Variants in COX6C observed in about 807,000 individuals in gnomAD.
The protein encoded by COX6C is cytochrome c oxidase polypeptide VIc.
Under a neutral mutation model 6.9 loss-of-function variants are expected in COX6C, and 3 were observed. The observed-to-expected ratio is 0.43, with a 90% CI of 0.20 to 1.12. The LOEUF is 1.12. Ranked by LOEUF, COX6C falls within the 50% of genes most tolerant of loss-of-function variation. The pLI, the probability that COX6C is intolerant of heterozygous loss-of-function variation, is 0.27. For synonymous variants in COX6C, 32 were observed against 32.0 expected, an observed-to-expected ratio of 1.00 and a Z score of 0.00; for missense variants, 101 against 97.3, an observed-to-expected ratio of 1.04 and a Z score of -0.16.
chr8:99,883,471 ATT>A (rs71274942), intron 3 of COX6C, among the ~76,000 whole-genome samples: 1 of 137,718 alleles, frequency 7.3e-6, no homozygotes, highest in Non-Finnish European at 1.5e-5. Flanking sequence ...ATATATATAT[ATT>A]TTTTTTTTGG....
chr8:99,891,752 T>C (rs1443627431), intron 2 of COX6C, among the ~76,000 whole-genome samples, 156 bp downstream of exon 2: 1 of 152,122 alleles, frequency 6.6e-6, no homozygotes, highest in Admixed American at 6.5e-5. Context: ...CAAGCTTCAT[T>C]TAAAGATGGA....
chr8:99,878,644 C>A (rs562776861), intron 3 of COX6C: 1 of 144,034 alleles, frequency 6.9e-6, no homozygotes, highest in Admixed American at 7.5e-5. Flanking sequence ...TTGTTCCTGT[C>A]TCCAAATATG....
chr8:99,890,877 G>A (rs547786822), intron 2 of COX6C, among the ~76,000 whole-genome samples: 1 of 152,100 alleles, frequency 6.6e-6, no homozygotes, highest in Admixed American at 6.5e-5. Flanking sequence ...AACTATAATC[G>A]GCCCACCATT....
At chr8:99,892,500 C>G (rs1238655449) in intron 1 of COX6C, among the ~76,000 whole-genome samples, 1 of 152,094 alleles carries the variant, frequency 6.6e-6, no homozygotes, top group Non-Finnish European at 1.5e-5. Flanking sequence ...ATGTAGCTCT[C>G]ACTACTCTGA....
chr8:99,885,785 T>G (rs1817935500), intron 3 of COX6C, among the ~76,000 whole-genome samples: 1 of 152,122 alleles, frequency 6.6e-6, no homozygotes, highest in Non-Finnish European at 1.5e-5. Context: ...TAAAAATAAA[T>G]TCGACATCAA....
chr8:99,881,246 G>A (rs1817858003), intron 3 of COX6C, among the ~76,000 whole-genome samples: 1 of 151,918 alleles, frequency 6.6e-6, no homozygotes, highest in South Asian at 2.1e-4. Context: ...TGTAATTCAA[G>A]CTACTCGGGA....
At chr8:99,886,960 A>G (rs1183784375) in intron 3 of COX6C, 1 of 152,282 alleles carries the variant, frequency 6.6e-6, no homozygotes, top group Non-Finnish European at 1.5e-5. Context: ...TGTACAATTA[A>G]AAATGGTTAA....
chr8:99,889,310 G>C (rs1817997525), intron 2 of COX6C, among the ~76,000 whole-genome samples: 1 of 150,420 alleles, frequency 6.6e-6, no homozygotes, highest in African/African-American at 2.4e-5. Flanking sequence ...TTTTTTTTGA[G>C]ACAAAGTCTG....
intron 3 of COX6C, chr8:99,878,821 T>C (rs1329253137): frequency 6.6e-6 from 1 of 152,238 alleles, no homozygotes; most frequent in Non-Finnish European, 1.5e-5. Flanking sequence ...ATTAATATTT[T>C]CTTGATTTTT....
chr8:99,891,077 G>A (rs1274479810), intron 2 of COX6C, among the ~76,000 whole-genome samples: 1 of 152,236 alleles, frequency 6.6e-6, no homozygotes, highest in Non-Finnish European at 1.5e-5. Context: ...TGCCTTCCCA[G>A]CCCCTCTGCA....
At chr8:99,890,177 G>A (rs1453157186) in intron 2 of COX6C, among the ~76,000 whole-genome samples, 3 of 151,772 alleles carry the variant, frequency 2.0e-5, no homozygotes, top group Non-Finnish European at 4.4e-5. Flanking sequence ...CGCCCAGGCT[G>A]GTCTTGAACT....
chr8:99,889,700 C>T (rs1371424856), intron 2 of COX6C, among the ~76,000 whole-genome samples: 1 of 151,912 alleles, frequency 6.6e-6, no homozygotes, highest in East Asian at 2.0e-4. Flanking sequence ...GCCTCCCAAT[C>T]TTGGCTGACA....
intron 3 of COX6C, among the ~76,000 whole-genome samples, chr8:99,884,225 T>C (rs893668716): frequency 3.3e-5 from 5 of 152,168 alleles, no homozygotes; most frequent in African/African-American, 1.2e-4. Flanking sequence ...TAATCTTACC[T>C]CCAGCAAACC....
chr8:99,880,956 G>A (rs1349718468), intron 3 of COX6C, among the ~76,000 whole-genome samples: 2 of 152,170 alleles, frequency 1.3e-5, no homozygotes, highest in Non-Finnish European at 2.9e-5. Context: ...TTGCCCTACA[G>A]AAATGCTAAA....
intron 3 of COX6C, chr8:99,878,931 AC>A (rs1448672004): frequency 3.3e-5 from 5 of 152,106 alleles, no homozygotes; most frequent in African/African-American, 1.2e-4. Flanking sequence ...TTTTTGACTT[AC>A]GATATTCTCA....
chr8:99,887,680 A>T (rs1342523478), intron 2 of COX6C, 62 bp from the exon 3 acceptor site: 2 of 1,129,284 alleles, frequency 1.8e-6, no homozygotes, highest in African/African-American at 3.2e-5. Flanking sequence ...ATTCCAGATT[A>T]TAATATATAA....
chr8:99,892,937 C>G (rs895554914), intron 1 of COX6C: 2 of 152,230 alleles, frequency 1.3e-5, no homozygotes, highest in Non-Finnish European at 2.9e-5. Flanking sequence ...CACGGTATAC[C>G]ATTAAAACCT....
chr8:99,889,856 C>T (rs1024714153), intron 2 of COX6C, among the ~76,000 whole-genome samples: 23 of 151,420 alleles, frequency 1.5e-4, no homozygotes, highest in African/African-American at 5.1e-4. Context: ...TTTGGGAGGC[C>T]GAGGCGGGCG....
rs1462634381 is a variant in COX6C, at chr8:99,878,113, T to C, written c.*168A>G. Reference sequence around the variant, plus strand: ...TCTTATGCTAGTAAGTGCCCTGCATTATCATTAAGAACTGAGAAAGACTTA... The same window carrying C: ...TCTTATGCTAGTAAGTGCCCTGCATCATCATTAAGAACTGAGAAAGACTTA... On this transcript the variant is annotated 3_prime_UTR_variant, in exon 4 of 4. Transcript: ENST00000520468. 6.6e-6 allele frequency: 1 copy of C among 152,216 alleles called. No homozygotes were observed. The highest frequency in any genetic ancestry group is 1.5e-5 in the Non-Finnish European group (1 of 68,032). 9.4% of individuals were successfully genotyped at this position (152,216 alleles called of 1,614,324 possible). A position where few individuals can be genotyped will look rare whatever the true frequency, so the allele number is the denominator to read the frequency against.
Sources: gnomAD v4.1 joint callset for allele counts (sites outside exome capture counted in the v4.1 genomes callset) on GRCh38, gnomAD v4.1.1 for gene constraint, MANE v1.5 for transcripts, NCBI Gene and HGNC (gene_info 2026-07-23, HGNC 2026-07-21) for gene names.